PRKN: variants seen among roughly 807,000 people sequenced by gnomAD.
The protein encoded by PRKN is parkin RBR E3 ubiquitin protein ligase, also known as E3 ubiquitin-protein ligase parkin.
Under a neutral mutation model 59.5 loss-of-function variants are expected in PRKN, and 56 were observed. That is an observed-to-expected ratio of 0.94 (90% CI 0.76 to 1.18). The LOEUF is 1.18. Among genes scored for constraint, PRKN ranks in the 50% most tolerant of loss-of-function variants. PRKN has a pLI of 0.00. For missense variants in PRKN, 657 were observed against 596.4 expected (o/e 1.10, Z -1.06); for synonymous variants, 250 against 222.1 (o/e 1.13, Z -1.12).
chr6:161,957,613 C>T (rs917140370), intron 6 of PRKN, among the ~76,000 whole-genome samples: 2 of 151,964 alleles, frequency 1.3e-5, no homozygotes, highest in African/African-American at 2.4e-5. Context: ...TTAGTAGAGA[C>T]GAGGTTTCAC....
Position 162,246,749 on chromosome 6 carries a change from G to A in PRKN, c.412+15776C>T, listed in dbSNP as rs968743280. On this transcript the variant is annotated intron_variant, in intron 3 of 11. Transcript: ENST00000366898. ...AAAGCGTACTTAATCCGAACTTCTCGTACTTCTCAAACTATTTTTCAATCA... is the reference window on the plus strand; with the variant it reads ...AAAGCGTACTTAATCCGAACTTCTCATACTTCTCAAACTATTTTTCAATCA... Among the ~76,000 whole-genome samples the A allele has an allele frequency of 3.3e-5, 5 of 152,104 alleles. No individual in the cohort carries two copies. The South Asian group carries it at 6.2e-4, about 19-fold the overall frequency.
At chr6:162,576,929 G>A (rs1330559434) in intron 1 of PRKN, among the ~76,000 whole-genome samples, 2 of 152,066 alleles carry the variant, frequency 1.3e-5, no homozygotes, top group Non-Finnish European at 2.9e-5. Context: ...TACCATCAGG[G>A]TGGGCTCAGT....
At chr6:162,514,121 T>C (rs1777745344) in intron 1 of PRKN, among the ~76,000 whole-genome samples, 1 of 151,668 alleles carries the variant, frequency 6.6e-6, no homozygotes, top group Non-Finnish European at 1.5e-5. Context: ...TTATAATAAT[T>C]CCCCAAACTA....
intron 2 of PRKN, among the ~76,000 whole-genome samples, chr6:162,388,184 C>T (rs1174486556): frequency 6.6e-6 from 1 of 152,106 alleles, no homozygotes; most frequent in South Asian, 2.1e-4. Context: ...GGTTTCATTG[C>T]AGGAGGAGGG....
chr6:161,818,601 G>C (rs9458388), intron 6 of PRKN, among the ~76,000 whole-genome samples: 5,774 of 152,050 alleles, frequency 0.038, 378 homozygotes, highest in African/African-American at 0.13. Flanking sequence ...CCCTAGTGCT[G>C]GGATTCTGGG....
In PRKN at chr6:161,403,336, A is replaced by T. The variant is rs73023210; in HGVS notation, c.1084-16459T>A. Among the ~76,000 whole-genome samples, 430 of 152,322 alleles carry T rather than the reference A, an allele frequency of 2.8e-3. 3 individuals carry two copies. The highest frequency in any genetic ancestry group is 5.0e-3 in the Non-Finnish European group (341 of 68,028). On this transcript the variant is annotated intron_variant, in intron 9 of 11. Transcript: ENST00000366898. ...AACACTAAAAAAGCACAAAAAAGCC[A>T]GATTGTTTTGATAATAACAATGATC...
At chr6:161,524,734 T>C (rs757543026) in intron 9 of PRKN, among the ~76,000 whole-genome samples, 1 of 152,164 alleles carries the variant, frequency 6.6e-6, no homozygotes, top group African/African-American at 2.4e-5. Context: ...AAATGGTGAA[T>C]CTGGAGGTGA....
intron 7 of PRKN, among the ~76,000 whole-genome samples, chr6:161,680,737 A>T (rs1582995008): frequency 2.9e-4 from 1 of 3,476 alleles, no homozygotes; most frequent in African/African-American, 9.8e-4. Flanking sequence ...ATATATATAT[A>T]TATATATATA....
intron 3 of PRKN, among the ~76,000 whole-genome samples, chr6:162,209,071 T>C (rs576656704): frequency 9.3e-4 from 142 of 152,158 alleles, no homozygotes; most frequent in African/African-American, 3.3e-3. Context: ...CCAAAAGCAA[T>C]GGCAACAAAA....
intron 3 of PRKN, among the ~76,000 whole-genome samples, chr6:162,243,549 T>C (rs1383522052): frequency 6.6e-6 from 1 of 152,142 alleles, no homozygotes; most frequent in Non-Finnish European, 1.5e-5. Flanking sequence ...CAGGTACATT[T>C]AATACGAGTT....
chr6:162,054,111 G>GT lies in PRKN; in HGVS notation c.597dup (p.His200ThrfsTer6). The GT allele has an allele frequency of 6.2e-7, 1 of 1,611,098 alleles. No individual in the cohort carries two copies. ...CTTACTGCACTAGTCCCAGGGCAGTGTGGGGATTGGCATTCACCACTCATC... is the reference window on the plus strand; with the variant it reads ...CTTACTGCACTAGTCCCAGGGCAGTGTTGGGGATTGGCATTCACCACTCATC... On this transcript the variant is annotated frameshift_variant, in exon 5 of 12. Transcript: ENST00000366898. LOFTEE classifies it high-confidence loss of function.
chr6:162,478,822 A>C (rs890125672), intron 1 of PRKN, among the ~76,000 whole-genome samples: 3 of 152,176 alleles, frequency 2.0e-5, no homozygotes, highest in Non-Finnish European at 4.4e-5. Context: ...TTGTATATAT[A>C]AACACAAAAA....
intron 7 of PRKN, among the ~76,000 whole-genome samples, chr6:161,680,628 G>A (rs1785281793): frequency 6.6e-6 from 1 of 150,528 alleles, no homozygotes; most frequent in African/African-American, 2.5e-5. Flanking sequence ...CTTTTGAGAA[G>A]ACTTACTTCA....
At chr6:161,697,500 C>G (rs918825699) in intron 7 of PRKN, among the ~76,000 whole-genome samples, 1 of 152,132 alleles carries the variant, frequency 6.6e-6, no homozygotes, top group Non-Finnish European at 1.5e-5. Context: ...TGTAAGCTTG[C>G]CCTCTCATAA....
chr6:162,086,317 T>C (rs557027850), intron 4 of PRKN, among the ~76,000 whole-genome samples: 1 of 152,244 alleles, frequency 6.6e-6, no homozygotes, highest in African/African-American at 2.4e-5. Flanking sequence ...ATCAGATTTA[T>C]TGTTTTGAAA....
chr6:161,829,959 T>C (rs1046228130), intron 6 of PRKN, among the ~76,000 whole-genome samples: 1 of 152,128 alleles, frequency 6.6e-6, no homozygotes, highest in African/African-American at 2.4e-5. Context: ...GCCAAGTCCG[T>C]AGCTTGGCCG....
At position 161,548,810 on chromosome 6, in the gene PRKN, C is replaced by T. The variant is rs1316285919; in HGVS notation, c.1083+44G>A. ...ATCCCAGCCCATGTGCAAAAGCAAA[C>T]AAGGACAGGAACACACCGCTCCAGG... On this transcript the variant is annotated intron_variant, in intron 9 of 11. Coordinates refer to ENST00000366898, the MANE Select transcript of PRKN (RefSeq NM_004562.3). The surrounding 1 kb of genome is among the most constrained non-coding windows in gnomAD (Gnocchi z 4.2). 2.5e-6 allele frequency: 4 copies of T among 1,590,868 alleles called. No individual in the cohort carries two copies. The African/African-American group carries it at 4.0e-5, about 16-fold the overall frequency.
chr6:162,712,935 G>A (rs1472680925), intron 1 of PRKN, among the ~76,000 whole-genome samples: 1 of 152,164 alleles, frequency 6.6e-6, no homozygotes, highest in Non-Finnish European at 1.5e-5. Flanking sequence ...TTCCTCCAGA[G>A]TAAAACCCCT....
intron 5 of PRKN, among the ~76,000 whole-genome samples, chr6:162,040,551 C>T (rs1007869201): frequency 1.1e-4 from 16 of 149,762 alleles, no homozygotes; most frequent in African/African-American, 3.7e-4. Context: ...GATATACAGG[C>T]GCCCACCACC....
Sources: gnomAD v4.1 joint callset for allele counts (sites outside exome capture counted in the v4.1 genomes callset) on GRCh38, gnomAD v4.1.1 for gene constraint, Gnocchi (gnomAD v3.1) non-coding constraint, MANE v1.5 for transcripts, NCBI Gene and HGNC (gene_info 2026-07-23, HGNC 2026-07-21) for gene names.